PKD2L2: variants seen among roughly 807,000 people sequenced by gnomAD.
The protein encoded by PKD2L2 is polycystin 2 like 2, transient receptor potential cation channel.
Under a neutral mutation model 83.9 loss-of-function variants are expected in PKD2L2, and 67 were observed. The ratio of observed to expected loss-of-function variants is 0.80; its 90% CI spans 0.66 to 0.98. The LOEUF is 0.98. Among genes scored for constraint, PKD2L2 ranks in the 50% least tolerant of loss-of-function variants. The probability of loss-of-function intolerance (pLI) is 0.00; values close to 1 mark genes in which losing one functional copy is unlikely to be tolerated. For missense variants in PKD2L2, 632 were observed against 717.2 expected, an observed-to-expected ratio of 0.88 and a Z score of 1.36; for synonymous variants, 223 against 237.8, an observed-to-expected ratio of 0.94 and a Z score of 0.57.
intron 5 of PKD2L2, among the ~76,000 whole-genome samples, chr5:137,903,835 C>T (rs1306438965): frequency 1.3e-5 from 2 of 152,178 alleles, no homozygotes; most frequent in Non-Finnish European, 2.9e-5. Context: ...CAGCTCACTG[C>T]AACCTCTGCT....
chr5:137,921,832 T>G, intron 9 of PKD2L2, 76 bp downstream of exon 9: 1 of 1,099,858 alleles, frequency 9.1e-7, no homozygotes, highest in Non-Finnish European at 1.3e-6. Context: ...GAATAAACTA[T>G]TATTTCTGCT....
intron 10 of PKD2L2, among the ~76,000 whole-genome samples, chr5:137,923,897 T>TC (rs1759148037): frequency 6.6e-6 from 1 of 152,182 alleles, no homozygotes; most frequent in African/African-American, 2.4e-5. Context: ...AACTCAGAAC[T>TC]CCATGTGTCG....
chr5:137,892,368 A>G lies in PKD2L2; in HGVS notation c.134-112A>G, dbSNP rs146076824. 63 of 467,726 alleles carry G rather than the reference A, an allele frequency of 1.3e-4. No individual in the cohort carries two copies. In the East Asian group the frequency reaches 2.0e-3, roughly 15 times the overall value. The allele number at this position is 467,726 out of a possible 1,614,324, so 29.0% of individuals were successfully genotyped here. On this transcript the variant is annotated intron_variant, in intron 2 of 14. Transcript: ENST00000508883. ...GATTTTTTAAATTATTACTTTTATA[A>G]TTAGATTAATAAAGTTTAATTTTCA... is the stretch of plus-strand genomic sequence containing the variant.
Position 137,892,525 on chromosome 5 carries a change from T to A in PKD2L2, c.179T>A (p.Val60Asp). 6.2e-7 allele frequency: 1 copy of A among 1,603,560 alleles called. No individual in the cohort carries two copies. Among genetic ancestry groups the A allele is most frequent in the Non-Finnish European group, 8.5e-7 (1 of 1,172,180 alleles). Residue 60 changes from valine to aspartate, a missense_variant, in exon 3 of 15, where the codon GTT (valine) becomes GAT (aspartate). Val to Asp is a radical substitution (Grantham distance 152, BLOSUM62 -3). Coordinates refer to ENST00000508883, the MANE Select transcript of PKD2L2 (RefSeq NM_001300921.2). ...CCACATATGTATTACTTAAACAAGG[T>A]TATGTCATCTCTATTTTTGGACACT... ...VNPHMYYLNK[V>D]MSSLFLDTSV...
chr5:137,924,849 G>T (rs1759241792), intron 10 of PKD2L2, among the ~76,000 whole-genome samples, 191 bp from the exon 11 acceptor site: 1 of 152,118 alleles, frequency 6.6e-6, no homozygotes, highest in Non-Finnish European at 1.5e-5. Context: ...CCCCTTTTGG[G>T]TTTTCACCAG....
At chr5:137,915,820 C>T (rs1404644884) in intron 8 of PKD2L2, among the ~76,000 whole-genome samples, 1 of 152,070 alleles carries the variant, frequency 6.6e-6, no homozygotes, top group Non-Finnish European at 1.5e-5. Context: ...TATAATAATA[C>T]TAGCTTTTAT....
At chr5:137,914,875 AAGAT>A (rs1280748832) in intron 8 of PKD2L2, among the ~76,000 whole-genome samples, 1 of 151,998 alleles carries the variant, frequency 6.6e-6, no homozygotes, top group Non-Finnish European at 1.5e-5. Context: ...TGCCTCTATT[AAGAT>A]AATCATATGG....
At chr5:137,918,587 C>T (rs1470278791) in intron 8 of PKD2L2, among the ~76,000 whole-genome samples, 1 of 152,218 alleles carries the variant, frequency 6.6e-6, no homozygotes, top group Non-Finnish European at 1.5e-5. Context: ...ATGCAAGCTG[C>T]TTCACAAACA....
rs543119108 is a variant in PKD2L2 at position 137,935,815 on chromosome 5, C to T, written c.1690C>T (p.Gln564Ter). ...CTGACAGGAGATTCAAAACGCAGAG[C>T]AGATGAAAAAATGGAAAGAGAGGCT... The part of the protein sequence containing the change: ...FDENEIQNAE[Q>*]MKKWKERLEK... Residue 564 changes from glutamine (Q) to a stop codon, truncating the protein, a stop_gained, in exon 13 of 15, where the codon CAG becomes TAG. Coordinates refer to ENST00000508883, the MANE Select transcript of PKD2L2 (RefSeq NM_001300921.2). LOFTEE classifies it high-confidence loss of function. 8 of 1,601,098 alleles carry T rather than the reference C, an allele frequency of 5.0e-6. 1 individual carries two copies. The South Asian group carries it at 7.7e-5, about 15-fold the overall frequency.
Position 137,923,535 on chromosome 5 carries a change from C to A in PKD2L2, c.1551+14C>A, listed in dbSNP as rs1169752187. 4.5e-6 allele frequency: 5 copies of A among 1,110,450 alleles called. 1 individual carries two copies. In the South Asian group the frequency reaches 6.2e-5, roughly 14 times the overall value. 68.8% of individuals were successfully genotyped at this position (1,110,450 alleles called of 1,614,324 possible). On this transcript the variant is annotated intron_variant, in intron 10 of 14. Coordinates refer to ENST00000508883, the MANE Select transcript of PKD2L2 (RefSeq NM_001300921.2). ...ATGATTAAACAGGTAAGTCAAATTT[C>A]TTTCCTAATTAGAATTCTAAGACAA...
chr5:137,920,991 T>A (rs1758845680), intron 8 of PKD2L2, among the ~76,000 whole-genome samples: 1 of 152,294 alleles, frequency 6.6e-6, no homozygotes, highest in East Asian at 1.9e-4. Context: ...AGTTCTAATG[T>A]TTAGAAGGGC....
At chr5:137,918,890 T>G (rs1013599507) in intron 8 of PKD2L2, among the ~76,000 whole-genome samples, 4 of 151,194 alleles carry the variant, frequency 2.6e-5, no homozygotes, top group Non-Finnish European at 5.9e-5. Flanking sequence ...TGAGAAACTG[T>G]GTTGCTGGCC....
chr5:137,929,376 G>T (rs971182002), intron 12 of PKD2L2, among the ~76,000 whole-genome samples: 1 of 151,614 alleles, frequency 6.6e-6, no homozygotes, highest in Non-Finnish European at 1.5e-5. Flanking sequence ...CAGGAGAACT[G>T]CTTGAACCTG....
At chr5:137,892,724 G>A in intron 3 of PKD2L2, 111 bp downstream of exon 3, 1 of 902,826 alleles carries the variant, frequency 1.1e-6, no homozygotes, top group East Asian at 2.9e-5. Flanking sequence ...AAAAATAAAT[G>A]TCATTTCTTT....
At chr5:137,906,519 T>C (rs1054676129) in intron 6 of PKD2L2, 85 bp downstream of exon 6, 4 of 660,810 alleles carry the variant, frequency 6.1e-6, no homozygotes, top group Non-Finnish European at 1.0e-5. Context: ...GAATCTTCTA[T>C]TCATCCAGGA....
intron 4 of PKD2L2, among the ~76,000 whole-genome samples, chr5:137,896,824 A>G (rs1175424293): frequency 6.6e-6 from 1 of 151,796 alleles, no homozygotes; most frequent in Non-Finnish European, 1.5e-5. Context: ...TATCATAATT[A>G]TTGTCAATCA....
chr5:137,926,432 A>G (rs908739503), intron 12 of PKD2L2, among the ~76,000 whole-genome samples: 16 of 152,192 alleles, frequency 1.1e-4, no homozygotes, highest in African/African-American at 3.4e-4. Context: ...GCTCAGAAAG[A>G]AGGCAGCAGA....
intron 10 of PKD2L2, among the ~76,000 whole-genome samples, chr5:137,924,544 C>A (rs1759210477): frequency 6.6e-6 from 1 of 152,122 alleles, no homozygotes; most frequent in East Asian, 1.9e-4. Flanking sequence ...GCCAGTTTGG[C>A]CATCTCTGCA....
chr5:137,899,981 A>G (rs894803462), intron 5 of PKD2L2, among the ~76,000 whole-genome samples: 1 of 152,260 alleles, frequency 6.6e-6, no homozygotes, highest in Admixed American at 6.5e-5. Context: ...GCATGTCATG[A>G]ATGCATAAAA....
Sources: gnomAD v4.1 joint callset for allele counts (sites outside exome capture counted in the v4.1 genomes callset) on GRCh38, gnomAD v4.1.1 for gene constraint, MANE v1.5 for transcripts, NCBI Gene and HGNC (gene_info 2026-07-23, HGNC 2026-07-21) for gene names.